Variants in MOK observed in about 807,000 individuals in gnomAD.
The protein encoded by MOK is MAPK/MAK/MRK overlapping kinase.
In MOK, 59 loss-of-function variants were observed where a neutral mutation model predicts 54.2. The observed-to-expected ratio is 1.09, with a 90% CI of 0.88 to 1.35. The LOEUF (loss-of-function observed/expected upper bound fraction) is 1.35, where lower values mean the gene tolerates loss of function less well. MOK is among the 40% of genes most tolerant of loss of function. MOK has a pLI of 0.00. For synonymous variants in MOK, 210 were observed against 202.7 expected, an observed-to-expected ratio of 1.04 and a Z score of -0.31; for missense variants, 517 against 526.2, an observed-to-expected ratio of 0.98 and a Z score of 0.17.
At chr14:102,294,677 G>A (rs1336062491) in intron 1 of MOK, among the ~76,000 whole-genome samples, 1 of 151,970 alleles carries the variant, frequency 6.6e-6, no homozygotes, top group Non-Finnish European at 1.5e-5. Context: ...TCAAAGTCAA[G>A]CTGTGGACTA....
intron 3 of MOK, 102 bp downstream of exon 3, chr14:102,265,717 CTGAG>C (rs2067846787): frequency 1.2e-6 from 1 of 864,846 alleles, no homozygotes; most frequent in Non-Finnish European, 1.8e-6. Flanking sequence ...TGGTTACTCT[CTGAG>C]CTACAAAGTA....
At chr14:102,294,204 T>C (rs577465219) in intron 1 of MOK, among the ~76,000 whole-genome samples, 2 of 151,254 alleles carry the variant, frequency 1.3e-5, no homozygotes, top group South Asian at 4.1e-4. Flanking sequence ...CCCAGCACTT[T>C]GGGAGGCCAA....
chr14:102,253,562 A>G (rs1470491268), intron 4 of MOK, among the ~76,000 whole-genome samples: 1 of 152,178 alleles, frequency 6.6e-6, no homozygotes, highest in Non-Finnish European at 1.5e-5. Context: ...CACAGTCCAC[A>G]TGTCTTCTTT....
intron 1 of MOK, among the ~76,000 whole-genome samples, chr14:102,298,798 G>A (rs757228035): frequency 2.0e-5 from 3 of 152,150 alleles, no homozygotes; most frequent in Admixed American, 1.3e-4. Context: ...TTGGGTCCAG[G>A]CTGCTTTTAT....
In MOK at chr14:102,240,843, T is replaced by C. The variant is rs1179127472; in HGVS notation, c.591-7054A>G. Among the ~76,000 whole-genome samples the C allele has an allele frequency of 6.6e-6, 1 of 152,206 alleles. No individual in the cohort carries two copies. Among genetic ancestry groups the C allele is most frequent in the African/African-American group, 2.4e-5 (1 of 41,442 alleles). Reference sequence around the variant, plus strand: ...CTGTGTCTCTACCCTCTCTTTTCTCTGGGCTTGCCTGCTTCACTATGGGCA... The same window carrying C: ...CTGTGTCTCTACCCTCTCTTTTCTCCGGGCTTGCCTGCTTCACTATGGGCA... On this transcript the variant is annotated intron_variant, in intron 7 of 11. Transcript: ENST00000361847. This position sits in a 1 kb window ranked among gnomAD's most constrained non-coding sequence, Gnocchi z 5.4.
intron 1 of MOK, 54 bp downstream of exon 1, chr14:102,304,908 C>T: frequency 1.4e-6 from 2 of 1,458,250 alleles, no homozygotes; most frequent in South Asian, 1.2e-5. Context: ...CCCAGTCCCT[C>T]CCTCCCCCGC....
At chr14:102,284,111 C>G (rs190538860) in intron 1 of MOK, among the ~76,000 whole-genome samples, 1 of 152,194 alleles carries the variant, frequency 6.6e-6, no homozygotes, top group East Asian at 1.9e-4. Context: ...ATCACCCCAG[C>G]CCTGATAATG....
intron 4 of MOK, among the ~76,000 whole-genome samples, chr14:102,253,385 G>A (rs960643834): frequency 3.3e-5 from 5 of 152,228 alleles, no homozygotes; most frequent in Admixed American, 6.5e-5. Flanking sequence ...AGCCTCAGCC[G>A]GCCTCGGAGG....
At chr14:102,289,546 C>T (rs879576199) in intron 1 of MOK, among the ~76,000 whole-genome samples, 12 of 151,910 alleles carry the variant, frequency 7.9e-5, no homozygotes, top group Non-Finnish European at 1.8e-4. Flanking sequence ...CACTGTGTTG[C>T]CCAAGTGATC....
At chr14:102,272,023 T>C (rs1335063785) in intron 2 of MOK, among the ~76,000 whole-genome samples, 1 of 152,038 alleles carries the variant, frequency 6.6e-6, no homozygotes, top group African/African-American at 2.4e-5. Flanking sequence ...GGACCACAGG[T>C]GCCTGCCACC....
rs537134875 is a variant in MOK, at chr14:102,256,104, A to T, written c.284-4109T>A. Among the ~76,000 whole-genome samples the T allele has an allele frequency of 3.1e-3, 457 of 146,718 alleles. 4 individuals are homozygous for T. The highest frequency in any genetic ancestry group is 9.8e-3 in the African/African-American group (394 of 40,208). ...TCATTAAGGCAAATGAGTTATTATT[A>T]TTTTTTTTTTTTGAGACAGGGTCTC... On this transcript the variant is annotated intron_variant, in intron 4 of 11. Coordinates refer to ENST00000361847, the MANE Select transcript of MOK (RefSeq NM_014226.3).
chr14:102,269,808 T>C (rs2068210327), intron 2 of MOK, among the ~76,000 whole-genome samples: 1 of 152,058 alleles, frequency 6.6e-6, no homozygotes, highest in Admixed American at 6.6e-5. Flanking sequence ...AAAGGAAAAG[T>C]TGACAATACT....
chr14:102,269,353 T>C (rs1320729484), intron 2 of MOK, among the ~76,000 whole-genome samples: 1 of 151,396 alleles, frequency 6.6e-6, no homozygotes, highest in Non-Finnish European at 1.5e-5. Flanking sequence ...TCCCAGGCTA[T>C]TTTTGTATTT....
Position 102,254,715 on chromosome 14 carries a change from T to C in MOK, c.284-2720A>G, listed in dbSNP as rs534791401. ...GAAGGTCTGCAATGGGGCCCCACAG[T>C]CGCCTAACTAGAGCCCCAGGTGCAG... On this transcript the variant is annotated intron_variant, in intron 4 of 11. Coordinates refer to ENST00000361847, the MANE Select transcript of MOK (RefSeq NM_014226.3). 3.3e-5 allele frequency among the ~76,000 whole-genome samples: 5 copies of C among 152,266 alleles called. No homozygotes were observed. In the East Asian group the frequency reaches 9.7e-4, roughly 29 times the overall value.
At chr14:102,286,912 AAATAATAATAATAAT>A (rs56108099) in intron 1 of MOK, among the ~76,000 whole-genome samples, 4 of 145,508 alleles carry the variant, frequency 2.7e-5, no homozygotes, top group Non-Finnish European at 4.5e-5. Context: ...TCCGTCTCAA[AAATAATAATAATAAT>A]AATAATAATA....
chr14:102,301,482 A>G (rs2072193155), intron 1 of MOK, among the ~76,000 whole-genome samples: 1 of 152,130 alleles, frequency 6.6e-6, no homozygotes, highest in African/African-American at 2.4e-5. Flanking sequence ...AACAAGTACA[A>G]AAATATACCT....
the MOK span, among the ~76,000 whole-genome samples, chr14:102,216,938 A>G: frequency 1.3e-5 from 2 of 152,132 alleles, no homozygotes; most frequent in Admixed American, 6.5e-5. Context: ...GTCTTAAAGA[A>G]AAAAAATAGC....
chr14:102,297,830 C>T (rs182148347), intron 1 of MOK, among the ~76,000 whole-genome samples: 1 of 152,202 alleles, frequency 6.6e-6, no homozygotes, highest in Non-Finnish European at 1.5e-5. Flanking sequence ...AGCACCCGGG[C>T]CAGCAGCTGC....
chr14:102,279,383 C>T (rs759987765), intron 2 of MOK, among the ~76,000 whole-genome samples: 5 of 152,046 alleles, frequency 3.3e-5, no homozygotes, highest in Non-Finnish European at 5.9e-5. Flanking sequence ...CAACCTCAAC[C>T]GCAACCTCCA....
Sources: gnomAD v4.1 joint callset for allele counts (sites outside exome capture counted in the v4.1 genomes callset) on GRCh38, gnomAD v4.1.1 for gene constraint, Gnocchi (gnomAD v3.1) non-coding constraint, MANE v1.5 for transcripts, NCBI Gene and HGNC (gene_info 2026-07-23, HGNC 2026-07-21) for gene names.